LNX1: variants seen among roughly 807,000 people sequenced by gnomAD.
The protein encoded by LNX1 is ligand of numb-protein X 1, also known as E3 ubiquitin-protein ligase LNX.
A neutral mutation model predicts 68.4 loss-of-function variants in LNX1; 54 were observed. The ratio of observed to expected loss-of-function variants is 0.79; its 90% CI spans 0.63 to 0.99. LNX1 has a LOEUF of 0.99. Ranked by LOEUF, LNX1 falls within the 50% of genes least tolerant of loss-of-function variation. LNX1 has a pLI of 0.00. For missense variants in LNX1, 906 were observed against 926.4 expected (o/e 0.98, Z 0.29); for synonymous variants, 336 against 350.0 (o/e 0.96, Z 0.45).
intron 2 of LNX1, among the ~76,000 whole-genome samples, chr4:53,537,898 G>A (rs1285957773): frequency 6.6e-6 from 1 of 152,240 alleles, no homozygotes; most frequent in African/African-American, 2.4e-5. Flanking sequence ...GTGTGGGGAG[G>A]TCAGTGACCT....
Position 53,507,284 on chromosome 4 carries a change from A to G in LNX1, c.775+33T>C, listed in dbSNP as rs576670577. The G allele has an allele frequency of 1.4e-5, 23 of 1,603,566 alleles. No individual in the cohort carries two copies. In the East Asian group the frequency reaches 4.0e-4, roughly 28 times the overall value. On this transcript the variant is annotated intron_variant, in intron 4 of 10. Coordinates refer to ENST00000263925, the MANE Select transcript of LNX1 (RefSeq NM_001126328.3). ...TGAAGTCCCCCTGGAAGCCCAGCCC[A>G]TGTCCATCCAGCCTTATGGGGAGTT... is the stretch of plus-strand genomic sequence containing the variant.
At chr4:53,551,565 C>T (rs879794741) in intron 2 of LNX1, among the ~76,000 whole-genome samples, 4 of 152,128 alleles carry the variant, frequency 2.6e-5, no homozygotes, top group East Asian at 1.9e-4. Flanking sequence ...AAACACACTG[C>T]GCACGCTCAC....
chr4:53,526,576 T>G (rs1242274003), intron 2 of LNX1, among the ~76,000 whole-genome samples: 1 of 151,764 alleles, frequency 6.6e-6, no homozygotes, highest in African/African-American at 2.4e-5. Flanking sequence ...CAGACCCCTG[T>G]GCTACTCTGG....
chr4:53,527,677 C>A (rs1393916560), intron 2 of LNX1, among the ~76,000 whole-genome samples: 1 of 152,204 alleles, frequency 6.6e-6, no homozygotes, highest in Non-Finnish European at 1.5e-5. Context: ...CTGAACTTTG[C>A]ACCCTCACTG....
At chr4:53,514,984 A>G (rs540171778) in intron 2 of LNX1, among the ~76,000 whole-genome samples, 4 of 152,378 alleles carry the variant, frequency 2.6e-5, no homozygotes, top group Non-Finnish European at 5.9e-5. Flanking sequence ...CCATCCAAAC[A>G]ACATATTTAA....
intron 2 of LNX1, among the ~76,000 whole-genome samples, chr4:53,572,554 T>C (rs1731234212): frequency 6.6e-6 from 1 of 152,196 alleles, no homozygotes; most frequent in Admixed American, 6.5e-5. Flanking sequence ...AAAAAATACC[T>C]GCACCTGCCT....
At chr4:53,601,504 A>T (rs1448999924) in intron 2 of LNX1, among the ~76,000 whole-genome samples, 3 of 152,194 alleles carry the variant, frequency 2.0e-5, no homozygotes, top group Non-Finnish European at 4.4e-5. Context: ...ATTAGGCTGC[A>T]CCTGGACCAA....
intron 6 of LNX1, among the ~76,000 whole-genome samples, chr4:53,484,940 C>A (rs1181774411): frequency 6.6e-6 from 1 of 152,200 alleles, no homozygotes; most frequent in African/African-American, 2.4e-5. Flanking sequence ...GGCTAATGTG[C>A]CCTTCCTTTG....
At chr4:53,579,633 G>A (rs754232206) in intron 1 of LNX1, among the ~76,000 whole-genome samples, 1 of 151,984 alleles carries the variant, frequency 6.6e-6, no homozygotes, top group African/African-American at 2.4e-5. Context: ...TACTGTCAAC[G>A]CACTAGACAG....
chr4:53,598,670 A>G (rs1452653761), intron 2 of LNX1, among the ~76,000 whole-genome samples: 1 of 152,242 alleles, frequency 6.6e-6, no homozygotes, highest in Non-Finnish European at 1.5e-5. Context: ...TAAAGAACTA[A>G]AGATGAATGT....
At chr4:53,543,417 T>C (rs1643316139) in intron 2 of LNX1, among the ~76,000 whole-genome samples, 1 of 152,224 alleles carries the variant, frequency 6.6e-6, no homozygotes, top group African/African-American at 2.4e-5. Context: ...ACACATTTGA[T>C]AAGTATTTGT....
intron 5 of LNX1, among the ~76,000 whole-genome samples, chr4:53,498,409 A>T (rs1306698271): frequency 1.3e-5 from 2 of 152,172 alleles, no homozygotes; most frequent in African/African-American, 4.8e-5. Context: ...ATAGAGACAG[A>T]TAAATATTTA....
chr4:53,508,122 T>C lies in LNX1; in HGVS notation c.486A>G (p.Pro162=), dbSNP rs1399437162. 5 of 1,614,074 alleles carry C rather than the reference T, an allele frequency of 3.1e-6. No individual in the cohort carries two copies. In the East Asian group the frequency reaches 1.1e-4, roughly 36 times the overall value. Residue 162 remains proline (P), a synonymous_variant, in exon 3 of 11, where the codon CCA becomes CCG. Transcript: ENST00000263925. ...AGATGGTGGCAGCTGCAGAAACCTC[T>C]GGGGAGGGAGCCGTGGCTGTGAGGC... ...CASLTATAPS[P]EVSAAATISL...
At chr4:53,615,620 T>C (rs972909417) in intron 2 of LNX1, among the ~76,000 whole-genome samples, 11 of 152,172 alleles carry the variant, frequency 7.2e-5, no homozygotes, top group Admixed American at 6.5e-4. Flanking sequence ...ACCCACAGAA[T>C]TGTGAACAAT....
intron 1 of LNX1, chr4:53,575,712 C>A: frequency 7.1e-7 from 1 of 1,414,706 alleles, no homozygotes; most frequent in South Asian, 2.0e-5. Context: ...GAAGCAGCAG[C>A]AGTGTCTGCT....
At chr4:53,515,470 T>A (rs11724704) in intron 2 of LNX1, among the ~76,000 whole-genome samples, 3 of 151,652 alleles carry the variant, frequency 2.0e-5, no homozygotes, top group African/African-American at 7.3e-5. Context: ...AGCAAGCTCA[T>A]GAGTTCCCTT....
chr4:53,555,619 G>A (rs1326872935), intron 2 of LNX1, among the ~76,000 whole-genome samples: 1 of 152,148 alleles, frequency 6.6e-6, no homozygotes, highest in Middle Eastern at 3.2e-3. Flanking sequence ...GGATTCCTTA[G>A]AGAACATGAC....
At chr4:53,528,450 A>G (rs1162334372) in intron 2 of LNX1, among the ~76,000 whole-genome samples, 7 of 152,256 alleles carry the variant, frequency 4.6e-5, no homozygotes, top group African/African-American at 1.7e-4. Flanking sequence ...CACATGTAGA[A>G]GGATGAGTAC....
intron 2 of LNX1, among the ~76,000 whole-genome samples, chr4:53,554,937 C>G (rs1376172598): frequency 6.6e-6 from 1 of 152,054 alleles, no homozygotes; most frequent in Non-Finnish European, 1.5e-5. Flanking sequence ...AATCCATGTA[C>G]TGGATTAGTT....
Sources: gnomAD v4.1 joint callset for allele counts (sites outside exome capture counted in the v4.1 genomes callset) on GRCh38, gnomAD v4.1.1 for gene constraint, MANE v1.5 for transcripts, NCBI Gene and HGNC (gene_info 2026-07-23, HGNC 2026-07-21) for gene names.